The following TSPAN9 variants were observed in gnomAD, a reference collection of about 807,000 sequenced individuals.
TSPAN9 encodes tetraspanin 9.
A neutral mutation model predicts 31.0 loss-of-function variants in TSPAN9; 16 were observed. The ratio of observed to expected loss-of-function variants is 0.52; its 90% CI spans 0.35 to 0.78. The LOEUF (loss-of-function observed/expected upper bound fraction) is 0.78. TSPAN9 is among the 30% of genes least tolerant of loss of function. The pLI, the probability that TSPAN9 is intolerant of heterozygous loss-of-function variation, is 0.01. For missense variants in TSPAN9, 272 were observed against 312.5 expected (o/e 0.87, Z 0.98); for synonymous variants, 145 against 121.6 (o/e 1.19, Z -1.27).
At chr12:3,258,169 G>T (rs570149716) in intron 3 of TSPAN9, among the ~76,000 whole-genome samples, 35 of 152,282 alleles carry the variant, frequency 2.3e-4, no homozygotes, top group Admixed American at 1.6e-3. Flanking sequence ...AATGATTGAG[G>T]GGGTGGCAGA....
At chr12:3,229,583 A>G (rs1175992558) in intron 3 of TSPAN9, among the ~76,000 whole-genome samples, 2 of 152,238 alleles carry the variant, frequency 1.3e-5, no homozygotes, top group Admixed American at 1.3e-4. Context: ...AGCTTTCACC[A>G]GGACCTATCC....
rs1300958359 is a variant in TSPAN9 at position 3,268,276 on chromosome 12, C to G, written c.64-10145C>G. Among the ~76,000 whole-genome samples, 12 of 126,336 alleles carry G rather than the reference C, an allele frequency of 9.5e-5. No individual in the cohort carries two copies. The South Asian group carries it at 2.2e-3, about 23-fold the overall frequency. The allele number at this position is 126,336 out of a possible 152,430, so 82.9% of individuals were successfully genotyped here. ...TGTGCATTCCTGCAGCCTGCCCTCT[C>G]TGTTCCTGCAGCCTGCCCCCTCTGT... On this transcript the variant is annotated intron_variant, in intron 3 of 8. Transcript: ENST00000011898.
At chr12:3,198,148 C>CGT (rs1353377297) in intron 2 of TSPAN9, among the ~76,000 whole-genome samples, 1 of 84,542 alleles carries the variant, frequency 1.2e-5, no homozygotes, top group African/African-American at 4.2e-5. Context: ...CACAGGTCAC[C>CGT]ACCAGCACAG....
rs55888112 is a variant in TSPAN9 at position 3,248,597 on chromosome 12, C to T, written c.64-29824C>T. ...TTACAGAGCATTTTTACGTCCATTA[C>T]ACTCATTCCTTACAGTGAGCCTGGG... On this transcript the variant is annotated intron_variant, in intron 3 of 8. Coordinates refer to ENST00000011898, the MANE Select transcript of TSPAN9 (RefSeq NM_006675.5). 1.9e-3 allele frequency among the ~76,000 whole-genome samples: 284 copies of T among 146,534 alleles called. 1 individual carries two copies. The highest frequency in any genetic ancestry group is 3.4e-3 in the Non-Finnish European group (225 of 65,948).
intron 2 of TSPAN9, among the ~76,000 whole-genome samples, chr12:3,127,042 T>C (rs1378154546): frequency 6.6e-6 from 1 of 152,018 alleles, no homozygotes; most frequent in Non-Finnish European, 1.5e-5. Flanking sequence ...CCCAAGTAGC[T>C]GGGACTACAG....
chr12:3,148,691 G>A (rs1179017219), intron 2 of TSPAN9, among the ~76,000 whole-genome samples: 1 of 152,216 alleles, frequency 6.6e-6, no homozygotes, highest in Non-Finnish European at 1.5e-5. Flanking sequence ...GAGTGGAGCC[G>A]AATGCTCATA....
intron 3 of TSPAN9, among the ~76,000 whole-genome samples, chr12:3,208,377 T>C (rs975301087): frequency 1.7e-4 from 26 of 152,182 alleles, no homozygotes; most frequent in African/African-American, 6.0e-4. Context: ...TGGAGAAGGA[T>C]GTGGTCTCTG....
At chr12:3,091,093 C>T (rs1008188194) in intron 2 of TSPAN9, among the ~76,000 whole-genome samples, 2 of 152,252 alleles carry the variant, frequency 1.3e-5, no homozygotes, top group African/African-American at 4.8e-5. Flanking sequence ...TTGGTACTCC[C>T]TGCTGATTTT....
At chr12:3,243,385 T>G (rs994680659) in intron 3 of TSPAN9, among the ~76,000 whole-genome samples, 2 of 152,082 alleles carry the variant, frequency 1.3e-5, no homozygotes, top group African/African-American at 2.4e-5. Flanking sequence ...TTTTAACTTA[T>G]GTTTTGCACA....
intron 2 of TSPAN9, among the ~76,000 whole-genome samples, chr12:3,193,566 G>T (rs1003707231): frequency 2.0e-5 from 3 of 152,210 alleles, no homozygotes; most frequent in Non-Finnish European, 4.4e-5. Flanking sequence ...GCCAGAAGTG[G>T]CCTCTGACAA....
intron 3 of TSPAN9, chr12:3,215,412 AGTGGGCTGCAATGGGATG>A (rs1379467712): frequency 1.3e-5 from 2 of 152,230 alleles, no homozygotes; most frequent in Admixed American, 1.3e-4. Flanking sequence ...GAGCCTTGTC[AGTGGGCTGCAATGGGATG>A]GTGATCCTGA....
intron 2 of TSPAN9, among the ~76,000 whole-genome samples, chr12:3,114,970 G>A (rs1187971684): frequency 1.3e-5 from 2 of 152,074 alleles, no homozygotes; most frequent in Non-Finnish European, 1.5e-5. Context: ...CAGTTCAGTG[G>A]TTTTTACTAT....
chr12:3,108,987 G>C (rs1414366184), intron 2 of TSPAN9, among the ~76,000 whole-genome samples: 4 of 151,738 alleles, frequency 2.6e-5, no homozygotes, highest in Non-Finnish European at 5.9e-5. Flanking sequence ...CCAGGCTGCA[G>C]TGCAGTGGCG....
intron 2 of TSPAN9, among the ~76,000 whole-genome samples, chr12:3,179,677 A>C (rs1021715924): frequency 6.6e-6 from 1 of 152,170 alleles, no homozygotes; most frequent in Admixed American, 6.5e-5. Flanking sequence ...TTTTAAACCA[A>C]CATTGATTTG....
At chr12:3,279,312 G>T (rs1862853741) in intron 5 of TSPAN9, among the ~76,000 whole-genome samples, 1 of 152,260 alleles carries the variant, frequency 6.6e-6, no homozygotes, top group Admixed American at 6.5e-5. Context: ...GTTCCAGGAA[G>T]TGGAATCCTC....
chr12:3,273,473 A>G (rs542641730), intron 3 of TSPAN9, among the ~76,000 whole-genome samples: 75 of 152,212 alleles, frequency 4.9e-4, no homozygotes, highest in African/African-American at 1.7e-3. Context: ...CTGGGGCCCA[A>G]TCCCCTGAGT....
Position 3,203,248 on chromosome 12 carries a change from C to T in TSPAN9, c.63+1992C>T, listed in dbSNP as rs535118218. 3.3e-5 allele frequency among the ~76,000 whole-genome samples: 5 copies of T among 152,218 alleles called. No homozygotes were observed. The East Asian group carries it at 9.7e-4, about 29-fold the overall frequency. On this transcript the variant is annotated intron_variant, in intron 3 of 8. Transcript: ENST00000011898. ...CGTGGTTTGGTGACCTCCTCACTGG[C>T]TAGTACAGTGATCTGTACCCTGCAC...
intron 3 of TSPAN9, among the ~76,000 whole-genome samples, chr12:3,270,732 G>A (rs1465113030): frequency 6.6e-6 from 1 of 152,374 alleles, no homozygotes; most frequent in African/African-American, 2.4e-5. Flanking sequence ...CCTGGAGGGG[G>A]GTAGGGGCTG....
rs144647697 is a variant in TSPAN9, at chr12:3,141,166, C to T, written c.-18+57447C>T. Reference sequence around the variant, plus strand: ...TTAGCTCAGCTTCCACAGTCTCTGTCGGCTCTCAAATACCCCGTGTCAGGA... The same window carrying T: ...TTAGCTCAGCTTCCACAGTCTCTGTTGGCTCTCAAATACCCCGTGTCAGGA... On this transcript the variant is annotated intron_variant, in intron 2 of 8. Transcript: ENST00000011898. 5.4e-3 allele frequency among the ~76,000 whole-genome samples: 819 copies of T among 152,128 alleles called. 3 individuals carry two copies. Among genetic ancestry groups the T allele is most frequent in the Non-Finnish European group, 8.0e-3 (547 of 68,000 alleles).
Sources: allele counts gnomAD v4.1 joint callset (sites outside exome capture counted in the v4.1 genomes callset), GRCh38; gene constraint gnomAD v4.1.1; transcripts MANE v1.5; gene names NCBI Gene and HGNC (gene_info 2026-07-23, HGNC 2026-07-21).